CTNNA3: variants seen among roughly 807,000 people sequenced by gnomAD.
The protein encoded by CTNNA3 is catenin alpha-3.
CTNNA3 carries 76 observed loss-of-function variants against 95.7 expected under a neutral mutation model. The observed-to-expected ratio is 0.79, with a 90% CI of 0.66 to 0.96. CTNNA3 has a LOEUF of 0.96. Among genes scored for constraint, CTNNA3 ranks in the 40% least tolerant of loss-of-function variants. CTNNA3 has a pLI of 0.00. For synonymous variants in CTNNA3, 431 were observed against 374.4 expected, an observed-to-expected ratio of 1.15 and a Z score of -1.74; for missense variants, 1,191 against 1,089.8, an observed-to-expected ratio of 1.09 and a Z score of -1.31.
chr10:66,073,774 T>C (rs530893795), intron 14 of CTNNA3, among the ~76,000 whole-genome samples: 66 of 152,208 alleles, frequency 4.3e-4, no homozygotes, highest in Middle Eastern at 3.4e-3. Context: ...AATTGTGCAA[T>C]CCTTCATCTA....
chr10:66,532,549 G>A (rs1214806654), intron 10 of CTNNA3, among the ~76,000 whole-genome samples: 4 of 151,670 alleles, frequency 2.6e-5, no homozygotes. Context: ...ATTCAGCTTT[G>A]GTTTTAGCAC....
At chr10:66,768,090 G>A (rs569145704) in intron 8 of CTNNA3, among the ~76,000 whole-genome samples, 15 of 152,254 alleles carry the variant, frequency 9.9e-5, no homozygotes, top group African/African-American at 3.4e-4. Flanking sequence ...TATTTGAGCT[G>A]GGAACTACAG....
chr10:66,587,590 A>G (rs1374085614), intron 10 of CTNNA3, among the ~76,000 whole-genome samples: 1 of 152,084 alleles, frequency 6.6e-6, no homozygotes, highest in Non-Finnish European at 1.5e-5. Flanking sequence ...TCATAAGTCA[A>G]TTCCTTGGCT....
At chr10:66,983,205 G>C (rs903370538) in intron 7 of CTNNA3, among the ~76,000 whole-genome samples, 2 of 152,182 alleles carry the variant, frequency 1.3e-5, no homozygotes, top group African/African-American at 4.8e-5. Context: ...ACACTCGGCA[G>C]AAAGACAAAT....
At chr10:66,048,972 C>CA (rs35141230) in intron 15 of CTNNA3, among the ~76,000 whole-genome samples, 32 of 151,248 alleles carry the variant, frequency 2.1e-4, no homozygotes, top group Admixed American at 2.6e-4. Flanking sequence ...TTCTACACAG[C>CA]AAAAAAAAAC....
At chr10:66,907,759 T>C (rs1846052063) in intron 7 of CTNNA3, among the ~76,000 whole-genome samples, 1 of 152,192 alleles carries the variant, frequency 6.6e-6, no homozygotes, top group South Asian at 2.1e-4. Flanking sequence ...TATGTGCCAC[T>C]ACCACTGGAA....
chr10:66,537,874 A>G (rs1187905320), intron 10 of CTNNA3, among the ~76,000 whole-genome samples: 2 of 152,080 alleles, frequency 1.3e-5, no homozygotes, highest in Non-Finnish European at 2.9e-5. Flanking sequence ...AGCAGAAAAA[A>G]AAAGATCTCC....
At chr10:66,198,634 A>G (rs888091732) in intron 13 of CTNNA3, among the ~76,000 whole-genome samples, 14 of 152,174 alleles carry the variant, frequency 9.2e-5, no homozygotes, top group South Asian at 8.3e-4. Flanking sequence ...AGAAAAACAC[A>G]TCTTCCCAAT....
At chr10:67,314,121 A>G (rs895637323) in intron 5 of CTNNA3, among the ~76,000 whole-genome samples, 3 of 152,260 alleles carry the variant, frequency 2.0e-5, no homozygotes, top group Admixed American at 2.0e-4. Context: ...CATAATTTGA[A>G]TCATAGACCG....
chr10:66,107,498 A>C (rs1205402116), intron 13 of CTNNA3, among the ~76,000 whole-genome samples: 1 of 152,222 alleles, frequency 6.6e-6, no homozygotes, highest in Admixed American at 6.5e-5. Context: ...TGATTCAAGC[A>C]AAAGAAGCCA....
chr10:67,726,310 A>T lies in CTNNA3; in HGVS notation c.-2+37124T>A, dbSNP rs1564841001. ...CATATTATATATGATATTATCTTAC[A>T]TATTATATATATTATCTTACATATT... On this transcript the variant is annotated intron_variant, in intron 1 of 17. Coordinates refer to the CTNNA3 transcript ENST00000684154. Among the ~76,000 whole-genome samples, 3 of 67,518 alleles carry T rather than the reference A, an allele frequency of 4.4e-5. No homozygotes were observed. The East Asian group carries it at 1.7e-3, about 38-fold the overall frequency. 44.3% of individuals were successfully genotyped at this position (67,518 alleles called of 152,430 possible).
chr10:67,755,958 G>C (rs1330643507), intron 1 of CTNNA3, among the ~76,000 whole-genome samples: 2 of 152,088 alleles, frequency 1.3e-5, no homozygotes, highest in African/African-American at 4.8e-5. Context: ...TAAAGAAAAA[G>C]TGGTATAAAT....
At chr10:67,676,944 TC>T (rs1377680404) in intron 1 of CTNNA3, among the ~76,000 whole-genome samples, 1 of 151,020 alleles carries the variant, frequency 6.6e-6, no homozygotes, top group Non-Finnish European at 1.5e-5. Context: ...TCTTTGGTGT[TC>T]TTTCTCACTA....
intron 13 of CTNNA3, among the ~76,000 whole-genome samples, chr10:66,185,590 T>C (rs974268183): frequency 1.3e-5 from 2 of 152,080 alleles, no homozygotes; most frequent in Non-Finnish European, 2.9e-5. Context: ...CAGAGAAGCT[T>C]GCTCTCCTAC....
intron 10 of CTNNA3, among the ~76,000 whole-genome samples, chr10:66,557,112 C>T (rs1422513400): frequency 6.6e-6 from 1 of 151,968 alleles, no homozygotes; most frequent in African/African-American, 2.4e-5. Context: ...TCATGACTTG[C>T]TCAATTCAGA....
At chr10:67,152,001 T>C (rs530583916) in intron 7 of CTNNA3, among the ~76,000 whole-genome samples, 8 of 152,216 alleles carry the variant, frequency 5.3e-5, no homozygotes, top group Admixed American at 3.9e-4. Context: ...ACAATTGTTG[T>C]TTTCCTTGAT....
intron 11 of CTNNA3, among the ~76,000 whole-genome samples, chr10:66,509,807 T>C (rs1264716142): frequency 6.6e-6 from 1 of 151,930 alleles, no homozygotes; most frequent in Non-Finnish European, 1.5e-5. Flanking sequence ...ATCTATATTA[T>C]ATTTTAACTA....
intron 5 of CTNNA3, among the ~76,000 whole-genome samples, chr10:67,452,859 G>C (rs1277982657): frequency 1.3e-5 from 2 of 152,174 alleles, no homozygotes; most frequent in Non-Finnish European, 2.9e-5. Flanking sequence ...CAGGGGTCAG[G>C]GGGTAGTTGG....
At chr10:67,200,090 G>C (rs1352082689) in intron 6 of CTNNA3, among the ~76,000 whole-genome samples, 1 of 151,976 alleles carries the variant, frequency 6.6e-6, no homozygotes, top group East Asian at 1.9e-4. Flanking sequence ...GACAAGCAGG[G>C]GCACATATCA....
Sources: allele counts gnomAD v4.1 joint callset (sites outside exome capture counted in the v4.1 genomes callset), GRCh38; gene constraint gnomAD v4.1.1; transcripts MANE v1.5; gene names NCBI Gene and HGNC (gene_info 2026-07-23, HGNC 2026-07-21).